The following FBXL4 variants were observed in gnomAD, a reference collection of about 807,000 sequenced individuals.
FBXL4 encodes the protein F-box/LRR-repeat protein 4.
Under a neutral mutation model 58.9 loss-of-function variants are expected in FBXL4, and 40 were observed. The observed-to-expected ratio is 0.68, with a 90% CI of 0.53 to 0.88. The LOEUF (loss-of-function observed/expected upper bound fraction) is 0.88, where lower values mean the gene tolerates loss of function less well. Among genes scored for constraint, FBXL4 ranks in the 40% least tolerant of loss-of-function variants. The pLI is 0.00. For missense variants in FBXL4, 676 were observed against 734.4 expected (o/e 0.92, Z 0.92); for synonymous variants, 263 against 265.5 (o/e 0.99, Z 0.09).
chr6:98,883,215 A>G (rs550137937), intron 7 of FBXL4, among the ~76,000 whole-genome samples: 13 of 151,974 alleles, frequency 8.6e-5, no homozygotes, highest in Non-Finnish European at 1.6e-4. Context: ...TTGGCCATTC[A>G]TATTTCCTGC....
chr6:98,873,920 T>G lies in FBXL4; in HGVS notation c.*358A>C, dbSNP rs890369336. ...ATCCTTACATGAAGGTGTAAAAAATTAACTTTTTTTTTTGCATAAATGCCA... is the reference window on the plus strand; with the variant it reads ...ATCCTTACATGAAGGTGTAAAAAATGAACTTTTTTTTTTGCATAAATGCCA... On this transcript the variant is annotated 3_prime_UTR_variant, in exon 10 of 10. Transcript: ENST00000369244. 2 of 161,092 alleles carry G rather than the reference T, an allele frequency of 1.2e-5. No homozygotes were observed. The highest frequency in any genetic ancestry group is 4.8e-5 in the African/African-American group (2 of 41,656). 10.0% of individuals were successfully genotyped at this position (161,092 alleles called of 1,614,324 possible). A position where few individuals can be genotyped will look rare whatever the true frequency, so the allele number is the denominator to read the frequency against.
At chr6:98,881,017 G>A (rs1442872251) in intron 7 of FBXL4, among the ~76,000 whole-genome samples, 2 of 152,104 alleles carry the variant, frequency 1.3e-5, no homozygotes. Context: ...CCCGCAGCAG[G>A]CTGGTGACAC....
chr6:98,874,909 T>C (rs1315227126), intron 9 of FBXL4, among the ~76,000 whole-genome samples: 3 of 152,224 alleles, frequency 2.0e-5, no homozygotes, highest in Non-Finnish European at 2.9e-5. Flanking sequence ...TCCTTTCTGA[T>C]GAATGCAGCA....
intron 4 of FBXL4, among the ~76,000 whole-genome samples, chr6:98,920,981 T>C (rs1193900534): frequency 6.6e-6 from 1 of 152,176 alleles, no homozygotes; most frequent in Non-Finnish European, 1.5e-5. Flanking sequence ...TCATACACTG[T>C]ATTTATTTAC....
At chr6:98,883,293 C>A (rs1770915948) in intron 7 of FBXL4, among the ~76,000 whole-genome samples, 1 of 151,892 alleles carries the variant, frequency 6.6e-6, no homozygotes, top group Non-Finnish European at 1.5e-5. Flanking sequence ...TCCTTCTTGA[C>A]TTCTGGAATT....
chr6:98,926,109 G>C (rs1248699855), intron 4 of FBXL4, among the ~76,000 whole-genome samples: 1 of 152,140 alleles, frequency 6.6e-6, no homozygotes, highest in African/African-American at 2.4e-5. Flanking sequence ...ATTGTGAGTT[G>C]TTGAAAAGAT....
chr6:98,916,568 C>A (rs1772356478), intron 5 of FBXL4, among the ~76,000 whole-genome samples: 1 of 151,322 alleles, frequency 6.6e-6, no homozygotes, highest in African/African-American at 2.4e-5. Flanking sequence ...ATCACAAGGA[C>A]AAAAAAACCA....
chr6:98,884,480 A>T lies in FBXL4; in HGVS notation c.1318-3856T>A, dbSNP rs559635107. ...GAACGAAAGTTTAGCTAGACTTCGA[A>T]TTTTCAGATGACAGTTACCTTCTTT... On this transcript the variant is annotated intron_variant, in intron 7 of 9. Transcript: ENST00000369244. Among the ~76,000 whole-genome samples the T allele has an allele frequency of 7.8e-4, 119 of 152,200 alleles. 1 individual carries two copies. Among genetic ancestry groups the T allele is most frequent in the African/African-American group, 2.8e-3 (117 of 41,548 alleles).
chr6:98,874,445 T>C lies in FBXL4; in HGVS notation c.1703-4A>G. ...GCCGGACTTACCATTCTTGTTCCTA[T>C]TTAAGGGAAACAAAACAAAACAAAA... is the stretch of plus-strand genomic sequence containing the variant. On this transcript the variant is annotated splice_region_variant and splice_polypyrimidine_tract_variant and intron_variant, in intron 9 of 9. Transcript: ENST00000369244. The C allele has an allele frequency of 6.2e-7, 1 of 1,601,264 alleles. No individual in the cohort carries two copies. Among genetic ancestry groups the C allele is most frequent in the Non-Finnish European group, 8.5e-7 (1 of 1,177,024 alleles).
chr6:98,894,231 T>C (rs572532978), intron 7 of FBXL4, among the ~76,000 whole-genome samples: 1 of 152,296 alleles, frequency 6.6e-6, no homozygotes, highest in South Asian at 2.1e-4. Context: ...GTTAAAGAAG[T>C]ACTTGCAATC....
intron 4 of FBXL4, among the ~76,000 whole-genome samples, chr6:98,923,816 G>A (rs1026659309): frequency 6.6e-6 from 1 of 152,090 alleles, no homozygotes; most frequent in Non-Finnish European, 1.5e-5. Flanking sequence ...AATCTGGGCA[G>A]AAGAATTACA....
rs1283964624 is a variant in FBXL4 at position 98,885,430 on chromosome 6, G to GGGTT, written c.1318-4807_1318-4806insAACC. On this transcript the variant is annotated intron_variant, in intron 7 of 9. Transcript: ENST00000369244. The stretch of plus-strand genomic sequence containing the variant: ...TGGGTGTTTCTGTGAGGTTGTTTTT[G>GGGTT]GATGAGATTAACATTTAAATCAGTA... Among the ~76,000 whole-genome samples, 539 of 152,250 alleles carry GGGTT rather than the reference G, an allele frequency of 3.5e-3. 3 individuals are homozygous for GGGTT. Among genetic ancestry groups the GGGTT allele is most frequent in the African/African-American group, 0.012 (518 of 41,542 alleles).
intron 1 of FBXL4, among the ~76,000 whole-genome samples, chr6:98,938,870 A>C (rs753570463): frequency 3.3e-5 from 5 of 151,988 alleles, no homozygotes; most frequent in Non-Finnish European, 5.9e-5. Flanking sequence ...ATCACTGGAG[A>C]CCAGGAGTTT....
intron 4 of FBXL4, among the ~76,000 whole-genome samples, chr6:98,920,597 A>AT (rs1401403553): frequency 7.2e-5 from 11 of 152,162 alleles, no homozygotes; most frequent in African/African-American, 2.2e-4. Context: ...ATACAAATAG[A>AT]TTTTCTGCTA....
rs1459814070 is a variant in FBXL4, at chr6:98,870,279, G to A, written c.*3999C>T. 1 of 152,150 alleles carries A rather than the reference G, an allele frequency of 6.6e-6. No homozygotes were observed. The highest frequency in any genetic ancestry group is 1.5e-5 in the Non-Finnish European group (1 of 68,028). The allele number at this position is 152,150 out of a possible 1,614,324, so 9.4% of individuals were successfully genotyped here. ...ACTCTGGAATAGGGGTCACAAATTTGGTCCACAAGCCAAATCCAGCCAGCT... is the reference window on the plus strand; with the variant it reads ...ACTCTGGAATAGGGGTCACAAATTTAGTCCACAAGCCAAATCCAGCCAGCT... On this transcript the variant is annotated 3_prime_UTR_variant, in exon 10 of 10. Coordinates refer to ENST00000369244, the MANE Select transcript of FBXL4 (RefSeq NM_001278716.2).
At chr6:98,937,795 G>C (rs533965581) in intron 1 of FBXL4, among the ~76,000 whole-genome samples, 16 of 152,110 alleles carry the variant, frequency 1.1e-4, no homozygotes, top group Non-Finnish European at 1.8e-4. Flanking sequence ...GTCATAGAAG[G>C]GTCCATGTTG....
At chr6:98,909,522 T>C (rs1425150749) in intron 5 of FBXL4, among the ~76,000 whole-genome samples, 1 of 152,256 alleles carries the variant, frequency 6.6e-6, no homozygotes, top group Non-Finnish European at 1.5e-5. Flanking sequence ...ATTCAAATTC[T>C]ATGGGTCAAG....
In FBXL4 at chr6:98,879,775, T is replaced by C. The variant is rs535155382; in HGVS notation, c.1389+778A>G. On this transcript the variant is annotated intron_variant, in intron 8 of 9. Coordinates refer to ENST00000369244, the MANE Select transcript of FBXL4 (RefSeq NM_001278716.2). Reference sequence around the variant, plus strand: ...GACCAATAGGGTGAAACCCCATCTCTACTAAAAATACAAAAAAATTAGCCG... The same window carrying C: ...GACCAATAGGGTGAAACCCCATCTCCACTAAAAATACAAAAAAATTAGCCG... Among the ~76,000 whole-genome samples the C allele has an allele frequency of 5.3e-5, 8 of 151,778 alleles. No homozygotes were observed. In the South Asian group the frequency reaches 1.7e-3, roughly 32 times the overall value.
At chr6:98,926,394 T>G in intron 4 of FBXL4, 83 bp downstream of exon 4, 2 of 1,372,668 alleles carry the variant, frequency 1.5e-6, no homozygotes, top group Non-Finnish European at 2.0e-6. Flanking sequence ...CTTAAAAGAA[T>G]GCTTGCAATA....
Sources: gnomAD v4.1 joint callset for allele counts (sites outside exome capture counted in the v4.1 genomes callset) on GRCh38, gnomAD v4.1.1 for gene constraint, MANE v1.5 for transcripts, NCBI Gene and HGNC (gene_info 2026-07-23, HGNC 2026-07-21) for gene names.